Variants in DSCAM observed in about 807,000 individuals in gnomAD.
DSCAM encodes DS cell adhesion molecule, also known as cell adhesion molecule DSCAM.
A neutral mutation model predicts 217.7 loss-of-function variants in DSCAM; 47 were observed. That is an observed-to-expected ratio of 0.22 (90% CI 0.17 to 0.28). The LOEUF (loss-of-function observed/expected upper bound fraction) is 0.28, where lower values mean the gene tolerates loss of function less well. Ranked by LOEUF, DSCAM falls within the 10% of genes least tolerant of loss-of-function variation. DSCAM has a pLI of 1.00. For synonymous variants in DSCAM, 1,056 were observed against 1,015.3 expected (o/e 1.04, Z -0.76); for missense variants, 2,080 against 2,618.3 (o/e 0.79, Z 4.49).
intron 27 of DSCAM, among the ~76,000 whole-genome samples, chr21:40,070,942 G>C (rs1251651321): frequency 6.6e-6 from 1 of 152,192 alleles, no homozygotes; most frequent in Non-Finnish European, 1.5e-5. Context: ...AGAGAAGCAA[G>C]ACACTCTGCC....
At chr21:40,259,661 CTTT>C (rs542106779) in intron 11 of DSCAM, among the ~76,000 whole-genome samples, 414 of 59,318 alleles carry the variant, frequency 7.0e-3, no homozygotes, top group African/African-American at 0.019. Context: ...GTCAGCCATT[CTTT>C]TTTTTTTTTT....
chr21:40,724,248 A>C (rs2090931650), intron 1 of DSCAM, among the ~76,000 whole-genome samples: 2 of 152,248 alleles, frequency 1.3e-5, no homozygotes, highest in South Asian at 4.1e-4. Context: ...CAGAAGACCC[A>C]GTGAGCATTA....
At chr21:40,517,355 T>C (rs139937245) in intron 3 of DSCAM, among the ~76,000 whole-genome samples, 219 of 150,068 alleles carry the variant, frequency 1.5e-3, no homozygotes, top group African/African-American at 4.8e-3. Context: ...CATATATATA[T>C]ACACACACAC....
chr21:40,315,319 G>T (rs1292962355), intron 8 of DSCAM, among the ~76,000 whole-genome samples: 1 of 151,762 alleles, frequency 6.6e-6, no homozygotes, highest in Admixed American at 6.6e-5. Flanking sequence ...CAGGAGAATT[G>T]CTTGAACCCG....
intron 3 of DSCAM, among the ~76,000 whole-genome samples, chr21:40,620,111 G>A (rs1400870722): frequency 9.5e-5 from 4 of 42,062 alleles, no homozygotes; most frequent in African/African-American, 2.2e-4. Flanking sequence ...AGAGAAAAAA[G>A]AAAAAGAAAG....
intron 14 of DSCAM, 32 bp from the exon 15 acceptor site, chr21:40,179,126 A>AT: frequency 6.6e-7 from 1 of 1,509,546 alleles, no homozygotes; most frequent in Non-Finnish European, 9.0e-7. Flanking sequence ...AAAAGAAGAG[A>AT]TAGAGACGTG....
chr21:40,067,391 G>A (rs1039659032), intron 27 of DSCAM, among the ~76,000 whole-genome samples: 1 of 152,110 alleles, frequency 6.6e-6, no homozygotes, highest in Non-Finnish European at 1.5e-5. Context: ...GGTTATGTCT[G>A]GAAAAATTTT....
At chr21:40,731,437 A>C (rs1246917477) in intron 1 of DSCAM, among the ~76,000 whole-genome samples, 4 of 152,180 alleles carry the variant, frequency 2.6e-5, no homozygotes, top group Non-Finnish European at 5.9e-5. Flanking sequence ...CGGTGAGTAT[A>C]CTAGTTTGCT....
intron 14 of DSCAM, among the ~76,000 whole-genome samples, chr21:40,182,057 C>T (rs922587541): frequency 1.3e-5 from 2 of 151,984 alleles, no homozygotes; most frequent in African/African-American, 2.4e-5. Flanking sequence ...GGGTCAGATA[C>T]CCCAAATCCA....
At chr21:40,183,315 A>C (rs1289292595) in intron 14 of DSCAM, among the ~76,000 whole-genome samples, 1 of 152,214 alleles carries the variant, frequency 6.6e-6, no homozygotes, top group East Asian at 1.9e-4. Context: ...GAGAAGCAGT[A>C]GTCCCTGGGA....
intron 30 of DSCAM, among the ~76,000 whole-genome samples, chr21:40,046,781 TG>T (rs1277981203): frequency 3.3e-5 from 5 of 150,864 alleles, no homozygotes; most frequent in African/African-American, 9.8e-5. Flanking sequence ...GGGGGGTGGT[TG>T]GGGGGTATAG....
chr21:40,425,978 T>C (rs2075471313), intron 3 of DSCAM, among the ~76,000 whole-genome samples: 1 of 152,242 alleles, frequency 6.6e-6, no homozygotes, highest in African/African-American at 2.4e-5. Context: ...GCTAAACTTT[T>C]CAGTAAATTT....
At chr21:40,449,326 A>T (rs1034962894) in intron 3 of DSCAM, among the ~76,000 whole-genome samples, 1 of 152,192 alleles carries the variant, frequency 6.6e-6, no homozygotes, top group Non-Finnish European at 1.5e-5. Flanking sequence ...GTGGGGGAGC[A>T]TCATTCTATC....
At chr21:40,832,666 T>G (rs908050697) in intron 1 of DSCAM, among the ~76,000 whole-genome samples, 9 of 152,240 alleles carry the variant, frequency 5.9e-5, no homozygotes, top group Admixed American at 3.3e-4. Flanking sequence ...ACTGCACATA[T>G]TCTACATGCT....
intron 1 of DSCAM, among the ~76,000 whole-genome samples, chr21:40,739,954 ATTTTTTTTTTTTTTTTT>A (rs56815777): frequency 0.011 from 620 of 59,024 alleles, 15 homozygotes; most frequent in African/African-American, 0.039. Context: ...TGCAGGTGTA[ATTTTTTTTTTTTTTTTT>A]TTTTTTTTTT....
intron 1 of DSCAM, among the ~76,000 whole-genome samples, chr21:40,748,213 C>A (rs796436014): frequency 2.0e-5 from 3 of 151,714 alleles, no homozygotes; most frequent in African/African-American, 7.2e-5. Context: ...AGATTCTGTC[C>A]AGAGTAATTA....
intron 11 of DSCAM, among the ~76,000 whole-genome samples, chr21:40,193,748 G>C (rs1882796): frequency 0.13 from 19,378 of 152,212 alleles, 3,440 homozygotes; most frequent in African/African-American, 0.4. Flanking sequence ...AAAAGGAAAT[G>C]TATAAAATGG....
chr21:40,160,464 T>C (rs2090528239), intron 16 of DSCAM, among the ~76,000 whole-genome samples: 1 of 152,232 alleles, frequency 6.6e-6, no homozygotes, highest in African/African-American at 2.4e-5. Context: ...ACTATGAATA[T>C]TACATGTTTG....
At position 40,224,595 on chromosome 21, in the gene DSCAM, G is replaced by T. The variant is rs556781089; in HGVS notation, c.2357-35357C>A. Reference sequence around the variant, plus strand: ...ATACACTAAAATTATCAATAACGTTGCAAAAAGAGAATTCAATTCCATAAA... The same window carrying T: ...ATACACTAAAATTATCAATAACGTTTCAAAAAGAGAATTCAATTCCATAAA... On this transcript the variant is annotated intron_variant, in intron 11 of 32. Transcript: ENST00000400454. 2.1e-3 allele frequency among the ~76,000 whole-genome samples: 316 copies of T among 152,170 alleles called. 2 individuals are homozygous for T. The highest frequency in any genetic ancestry group is 7.5e-3 in the African/African-American group (312 of 41,526).
Sources: allele counts gnomAD v4.1 joint callset (sites outside exome capture counted in the v4.1 genomes callset), GRCh38; gene constraint gnomAD v4.1.1; transcripts MANE v1.5; gene names NCBI Gene and HGNC (gene_info 2026-07-23, HGNC 2026-07-21).